Variants in ASTN2 observed in about 807,000 individuals in gnomAD.
ASTN2 encodes the protein astrotactin 2, also known as astrotactin-2.
ASTN2 carries 54 observed loss-of-function variants against 139.8 expected under a neutral mutation model. The ratio of observed to expected loss-of-function variants is 0.39; its 90% CI spans 0.31 to 0.48. The LOEUF (loss-of-function observed/expected upper bound fraction) is 0.48, where lower values mean the gene tolerates loss of function less well. Among genes scored for constraint, ASTN2 ranks in the 20% least tolerant of loss-of-function variants. ASTN2 has a pLI of 0.95. For missense variants in ASTN2, 1,565 were observed against 1,725.1 expected (o/e 0.91, Z 1.64); for synonymous variants, 756 against 719.5 (o/e 1.05, Z -0.81).
chr9:117,338,601 C>A (rs1828967246), intron 1 of ASTN2, among the ~76,000 whole-genome samples: 1 of 152,132 alleles, frequency 6.6e-6, no homozygotes, highest in Non-Finnish European at 1.5e-5. Context: ...AACGATCAAT[C>A]ATATAAGACA....
intron 16 of ASTN2, among the ~76,000 whole-genome samples, chr9:116,686,145 G>A (rs1860193776): frequency 6.6e-6 from 1 of 152,128 alleles, no homozygotes; most frequent in African/African-American, 2.4e-5. Context: ...TAGAAATTTA[G>A]AAAATGGGGA....
chr9:116,730,597 A>G (rs961024405), intron 14 of ASTN2, among the ~76,000 whole-genome samples: 32 of 152,076 alleles, frequency 2.1e-4, no homozygotes, highest in Non-Finnish European at 3.8e-4. Context: ...GGCAGAGAAA[A>G]TGTCTGCACA....
At chr9:116,461,216 T>A (rs1344161773) in intron 20 of ASTN2, among the ~76,000 whole-genome samples, 1 of 151,136 alleles carries the variant, frequency 6.6e-6, no homozygotes, top group East Asian at 1.9e-4. Flanking sequence ...TAATATATTA[T>A]ATAATTTACT....
At chr9:116,588,743 A>G (rs902409679) in intron 19 of ASTN2, among the ~76,000 whole-genome samples, 1 of 152,204 alleles carries the variant, frequency 6.6e-6, no homozygotes, top group Admixed American at 6.5e-5. Flanking sequence ...TGCCACTTAC[A>G]TACAGATCTT....
Position 116,983,310 on chromosome 9 carries a change from GA to G in ASTN2, c.1592-6526del, listed in dbSNP as rs576852629. 1.9e-3 allele frequency among the ~76,000 whole-genome samples: 287 copies of G among 152,284 alleles called. 1 individual carries two copies. The highest frequency in any genetic ancestry group is 6.4e-3 in the African/African-American group (265 of 41,542). ...AAGTATGGGTTGGGCATAACATTAT[GA>G]GAGCCTGCTTTGTGCTAAAAGTGGT... On this transcript the variant is annotated intron_variant, in intron 7 of 22. Coordinates refer to ENST00000313400, the MANE Select transcript of ASTN2 (RefSeq NM_001365068.1).
At chr9:116,659,177 G>A (rs554780330) in intron 16 of ASTN2, among the ~76,000 whole-genome samples, 7 of 151,104 alleles carry the variant, frequency 4.6e-5, no homozygotes, top group Middle Eastern at 3.4e-3. Context: ...TACATGTCAC[G>A]TTTTTATTAT....
chr9:117,193,501 G>A (rs1831403268), intron 3 of ASTN2, among the ~76,000 whole-genome samples: 1 of 151,798 alleles, frequency 6.6e-6, no homozygotes, highest in Admixed American at 6.6e-5. Context: ...AGCTGGGTGT[G>A]GTGGTGCACA....
intron 19 of ASTN2, among the ~76,000 whole-genome samples, chr9:116,560,846 A>G (rs1852865268): frequency 6.6e-6 from 1 of 152,212 alleles, no homozygotes; most frequent in Admixed American, 6.5e-5. Flanking sequence ...GAAGGGAGGT[A>G]GAGAGGGAAA....
chr9:116,929,728 C>T (rs1834848639), intron 10 of ASTN2, among the ~76,000 whole-genome samples: 3 of 152,180 alleles, frequency 2.0e-5, no homozygotes, highest in South Asian at 4.1e-4. Context: ...TATTAATTCG[C>T]TCCAGCAATT....
At chr9:116,809,322 C>T (rs1236699880) in intron 12 of ASTN2, among the ~76,000 whole-genome samples, 1 of 151,814 alleles carries the variant, frequency 6.6e-6, no homozygotes, top group African/African-American at 2.4e-5. Flanking sequence ...AGCCAATTGT[C>T]TGAAGTGTCT....
chr9:117,364,063 CT>C (rs1829766395), intron 1 of ASTN2, among the ~76,000 whole-genome samples: 1 of 152,178 alleles, frequency 6.6e-6, no homozygotes, highest in Non-Finnish European at 1.5e-5. Context: ...TAACTGACAT[CT>C]TGTTTTCTCT....
At chr9:117,101,374 T>C (rs1196434319) in intron 4 of ASTN2, among the ~76,000 whole-genome samples, 3 of 152,208 alleles carry the variant, frequency 2.0e-5, no homozygotes, top group African/African-American at 7.2e-5. Context: ...AGCCATTAGT[T>C]ACACAGGGCT....
chr9:116,996,472 C>T (rs910783560), intron 7 of ASTN2, among the ~76,000 whole-genome samples: 4 of 151,876 alleles, frequency 2.6e-5, no homozygotes, highest in Non-Finnish European at 5.9e-5. Flanking sequence ...AAAATAGCAC[C>T]AATGGAGCAT....
chr9:117,160,457 C>T (rs960532922), intron 3 of ASTN2, among the ~76,000 whole-genome samples: 2 of 87,950 alleles, frequency 2.3e-5, no homozygotes, highest in African/African-American at 9.0e-5. Flanking sequence ...GGACCCATCT[C>T]CCTAAAAAGG....
intron 13 of ASTN2, among the ~76,000 whole-genome samples, chr9:116,763,063 T>C (rs943788172): frequency 6.6e-6 from 1 of 152,220 alleles, no homozygotes; most frequent in Non-Finnish European, 1.5e-5. Flanking sequence ...TACTGCACCA[T>C]GATGCTCTCA....
chr9:116,656,368 T>C (rs2131942648), intron 16 of ASTN2, among the ~76,000 whole-genome samples: 1 of 152,328 alleles, frequency 6.6e-6, no homozygotes, highest in South Asian at 2.1e-4. Flanking sequence ...GGTCAACAGA[T>C]GAATAGCTGA....
chr9:117,333,821 A>G (rs1231975641), intron 1 of ASTN2, among the ~76,000 whole-genome samples: 1 of 152,128 alleles, frequency 6.6e-6, no homozygotes, highest in East Asian at 1.9e-4. Flanking sequence ...CATTTTAAAC[A>G]TAAGATAATT....
intron 5 of ASTN2, among the ~76,000 whole-genome samples, chr9:117,079,077 C>T (rs996856823): frequency 9.2e-5 from 14 of 152,172 alleles, no homozygotes; most frequent in African/African-American, 3.4e-4. Context: ...AAAAGATGGT[C>T]GGGTGCAGTG....
chr9:117,176,352 A>T (rs931432784), intron 3 of ASTN2, among the ~76,000 whole-genome samples: 2 of 152,160 alleles, frequency 1.3e-5, no homozygotes, highest in African/African-American at 4.8e-5. Context: ...ATAGGTTAGA[A>T]ATATCAACCT....
Sources: allele counts gnomAD v4.1 joint callset (sites outside exome capture counted in the v4.1 genomes callset), GRCh38; gene constraint gnomAD v4.1.1; transcripts MANE v1.5; gene names NCBI Gene and HGNC (gene_info 2026-07-23, HGNC 2026-07-21).